CACNB4: variants seen among roughly 807,000 people sequenced by gnomAD.
The protein encoded by CACNB4 is calcium voltage-gated channel auxiliary subunit beta 4.
Under a neutral mutation model 71.2 loss-of-function variants are expected in CACNB4, and 32 were observed. That is an observed-to-expected ratio of 0.45 (90% confidence interval 0.34 to 0.60). CACNB4 has a LOEUF of 0.60. Among genes scored for constraint, CACNB4 ranks in the 20% least tolerant of loss-of-function variants. The pLI is 0.01. For synonymous variants in CACNB4, 231 were observed against 236.9 expected (o/e 0.97, Z 0.23); for missense variants, 464 against 647.9 (o/e 0.72, Z 3.08).
Position 151,834,013 on chromosome 2 carries a change from C to T in CACNB4, c.*5106G>A, listed in dbSNP as rs1190064811. ...AATGATCCCGCCTCTTTATTACATC[C>T]CTTATGCATACAGAATTCACACTGA... is the stretch of plus-strand genomic sequence containing the variant. On this transcript the variant is annotated 3_prime_UTR_variant, in exon 14 of 14. Transcript: ENST00000539935. 2.0e-5 allele frequency: 3 copies of T among 151,926 alleles called. 1 individual carries two copies. The highest frequency in any genetic ancestry group is 4.1e-4 in the South Asian group (2 of 4,822). 9.4% of individuals were successfully genotyped at this position (151,926 alleles called of 1,614,324 possible).
chr2:152,061,590 A>G (rs1353855256), intron 2 of CACNB4, among the ~76,000 whole-genome samples: 3 of 151,814 alleles, frequency 2.0e-5, no homozygotes, highest in Non-Finnish European at 2.9e-5. Context: ...GTCATAAACC[A>G]TGTAAATTCA....
At chr2:151,975,804 C>T (rs948119961) in intron 2 of CACNB4, among the ~76,000 whole-genome samples, 5 of 152,122 alleles carry the variant, frequency 3.3e-5, no homozygotes, top group African/African-American at 1.2e-4. Context: ...CTTTTTTTCT[C>T]TTAAATTCTC....
chr2:151,874,455 G>A (rs1261412209), intron 5 of CACNB4, among the ~76,000 whole-genome samples: 4 of 146,864 alleles, frequency 2.7e-5, no homozygotes, highest in Admixed American at 1.4e-4. Flanking sequence ...GCGACAGAGC[G>A]AGACTCTAAG....
At chr2:152,023,530 G>A (rs1683797327) in intron 2 of CACNB4, among the ~76,000 whole-genome samples, 1 of 152,104 alleles carries the variant, frequency 6.6e-6, no homozygotes, top group Non-Finnish European at 1.5e-5. Context: ...TGCCTCCCGG[G>A]TTCAAGCAAT....
At chr2:151,870,324 T>C in intron 8 of CACNB4, 1 of 703,696 alleles carries the variant, frequency 1.4e-6, no homozygotes, top group Non-Finnish European at 2.6e-6. Flanking sequence ...CTAAACAATG[T>C]AATACATAAA....
At chr2:151,896,203 A>G (rs2099852025) in intron 2 of CACNB4, among the ~76,000 whole-genome samples, 1 of 152,204 alleles carries the variant, frequency 6.6e-6, no homozygotes, top group Non-Finnish European at 1.5e-5. Flanking sequence ...CCCAACAGAG[A>G]CTATATTAGT....
intron 11 of CACNB4, chr2:151,854,018 G>A (rs1369411102): frequency 6.5e-6 from 1 of 154,210 alleles, no homozygotes; most frequent in Non-Finnish European, 1.4e-5. Flanking sequence ...TCTGTGATTG[G>A]AGACCCAGGC....
intron 2 of CACNB4, among the ~76,000 whole-genome samples, chr2:152,014,984 T>G (rs1683263905): frequency 1.3e-5 from 2 of 152,206 alleles, no homozygotes; most frequent in African/African-American, 4.8e-5. Flanking sequence ...TGTGCTCTCT[T>G]GTACAAAGTG....
At chr2:152,075,196 A>G (rs925341326) in intron 2 of CACNB4, among the ~76,000 whole-genome samples, 1 of 152,212 alleles carries the variant, frequency 6.6e-6, no homozygotes, top group African/African-American at 2.4e-5. Flanking sequence ...ATTTCACATT[A>G]TTACTTGCCT....
rs2099834648 is a variant in CACNB4, at chr2:151,835,215, C to G, written c.*3904G>C. ...ATTCCCTTGCAGTTTGTTTTGTTCC[C>G]TATGATGACTTATTTGTTAAATTAA... On this transcript the variant is annotated 3_prime_UTR_variant, in exon 14 of 14. Coordinates refer to ENST00000539935, the MANE Select transcript of CACNB4 (RefSeq NM_000726.5). 1 of 151,876 alleles carries G rather than the reference C, an allele frequency of 6.6e-6. No homozygotes were observed. Among genetic ancestry groups the G allele is most frequent in the Admixed American group, 6.6e-5 (1 of 15,254 alleles). 9.4% of individuals were successfully genotyped at this position (151,876 alleles called of 1,614,324 possible).
At position 152,042,722 on chromosome 2, in the gene CACNB4, C is replaced by T. The variant is rs986881766; in HGVS notation, c.147+55608G>A. Among the ~76,000 whole-genome samples the T allele has an allele frequency of 3.9e-5, 6 of 152,078 alleles. No individual in the cohort carries two copies. The East Asian group carries it at 7.7e-4, about 20-fold the overall frequency. ...ATTTTTTTAGAGATGTTTTCAGACG[C>T]GTTTGAACCAGAGCAACTCCATCTT... On this transcript the variant is annotated intron_variant, in intron 2 of 13. Transcript: ENST00000539935.
intron 12 of CACNB4, among the ~76,000 whole-genome samples, chr2:151,849,000 C>A (rs2099838331): frequency 1.3e-5 from 2 of 151,930 alleles, no homozygotes; most frequent in South Asian, 4.1e-4. Context: ...TCAGGCTGGT[C>A]ATATTAAAAA....
chr2:152,066,352 T>C (rs568588097), intron 2 of CACNB4, among the ~76,000 whole-genome samples: 1 of 152,236 alleles, frequency 6.6e-6, no homozygotes, highest in African/African-American at 2.4e-5. Flanking sequence ...CAGACACTTC[T>C]CAAAAGAAGA....
At chr2:151,847,695 T>C (rs2151333462) in intron 12 of CACNB4, among the ~76,000 whole-genome samples, 1 of 152,236 alleles carries the variant, frequency 6.6e-6, no homozygotes, top group South Asian at 2.1e-4. Context: ...TGAGACCATC[T>C]CTTTTAAAAA....
chr2:152,010,054 C>A (rs1484554003), intron 2 of CACNB4, among the ~76,000 whole-genome samples: 1 of 152,192 alleles, frequency 6.6e-6, no homozygotes, highest in Non-Finnish European at 1.5e-5. Context: ...CCATAGGGAG[C>A]TAAGTTTTAT....
At chr2:151,870,181 G>C (rs1420627138) in intron 8 of CACNB4, 1 of 671,826 alleles carries the variant, frequency 1.5e-6, no homozygotes, top group Admixed American at 2.1e-5. Flanking sequence ...TTGTCCTCTT[G>C]TGCTGTTCAT....
intron 2 of CACNB4, among the ~76,000 whole-genome samples, chr2:152,051,064 A>G (rs1446724903): frequency 2.6e-5 from 4 of 152,014 alleles, no homozygotes; most frequent in Admixed American, 6.6e-5. Context: ...CGCTGGGCCC[A>G]GCCCACATCC....
At chr2:151,860,435 G>A (rs2099841347) in intron 10 of CACNB4, 2 of 457,254 alleles carry the variant, frequency 4.4e-6, no homozygotes, top group Non-Finnish European at 3.9e-6. Context: ...GAGATGACTG[G>A]TTTCATGTAG....
At chr2:152,032,695 GTGGCTCA>G (rs1684349566) in intron 2 of CACNB4, among the ~76,000 whole-genome samples, 1 of 152,084 alleles carries the variant, frequency 6.6e-6, no homozygotes, top group Non-Finnish European at 1.5e-5. Context: ...GCAGGGTGTG[GTGGCTCA>G]TGCCTATAAT....
Sources: gnomAD v4.1 joint callset for allele counts (sites outside exome capture counted in the v4.1 genomes callset) on GRCh38, gnomAD v4.1.1 for gene constraint, MANE v1.5 for transcripts, NCBI Gene and HGNC (gene_info 2026-07-23, HGNC 2026-07-21) for gene names.